DDR2: variants seen among roughly 807,000 people sequenced by gnomAD.
The protein encoded by DDR2 is discoidin domain receptor tyrosine kinase 2.
DDR2 carries 27 observed loss-of-function variants against 94.9 expected under a neutral mutation model. That is an observed-to-expected ratio of 0.28 (90% CI 0.21 to 0.39). The LOEUF (loss-of-function observed/expected upper bound fraction) is 0.39. Ranked by LOEUF, DDR2 falls within the 10% of genes least tolerant of loss-of-function variation. DDR2 has a pLI of 1.00. For missense variants in DDR2, 783 were observed against 1,076.0 expected (o/e 0.73, Z 3.81); for synonymous variants, 382 against 377.2 (o/e 1.01, Z -0.15).
At chr1:162,669,090 T>A (rs1658714186) in intron 2 of DDR2, among the ~76,000 whole-genome samples, 1 of 152,248 alleles carries the variant, frequency 6.6e-6, no homozygotes, top group African/African-American at 2.4e-5. Context: ...TGTCACATGG[T>A]GACAAATACA....
chr1:162,709,543 G>C (rs886978380), intron 2 of DDR2, among the ~76,000 whole-genome samples: 1 of 152,152 alleles, frequency 6.6e-6, no homozygotes, highest in Non-Finnish European at 1.5e-5. Flanking sequence ...GGTTTTTACC[G>C]TATGGTTCTA....
At chr1:162,771,236 T>A (rs1385890193) in intron 12 of DDR2, among the ~76,000 whole-genome samples, 1 of 152,162 alleles carries the variant, frequency 6.6e-6, no homozygotes, top group Non-Finnish European at 1.5e-5. Flanking sequence ...CAGAGCAACT[T>A]TTCTATAAGA....
At chr1:162,722,738 T>TA (rs1661477880) in intron 3 of DDR2, among the ~76,000 whole-genome samples, 1 of 152,350 alleles carries the variant, frequency 6.6e-6, no homozygotes, top group Admixed American at 6.5e-5. Context: ...AGGGAGTTGT[T>TA]ACGTGTCTCT....
intron 2 of DDR2, among the ~76,000 whole-genome samples, chr1:162,689,815 C>T (rs1245815031): frequency 3.5e-5 from 4 of 113,360 alleles, no homozygotes; most frequent in Non-Finnish European, 6.7e-5. Context: ...ACCAGCCTGG[C>T]CAACATGGTG....
intron 2 of DDR2, among the ~76,000 whole-genome samples, chr1:162,669,215 A>C (rs1475286549): frequency 7.9e-5 from 12 of 152,208 alleles, no homozygotes; most frequent in Admixed American, 3.9e-4. Context: ...CAATGTAAGC[A>C]ACTTATTAAA....
At chr1:162,644,016 G>C (rs1185328711) in intron 1 of DDR2, among the ~76,000 whole-genome samples, 1 of 152,172 alleles carries the variant, frequency 6.6e-6, no homozygotes, top group African/African-American at 2.4e-5. Flanking sequence ...TATGATGCCT[G>C]TGAAAACCCT....
At chr1:162,756,438 C>T (rs985183255) in intron 7 of DDR2, among the ~76,000 whole-genome samples, 2 of 152,192 alleles carry the variant, frequency 1.3e-5, no homozygotes, top group Admixed American at 1.3e-4. Flanking sequence ...ATAGTAGGAA[C>T]TTAGGGTTGG....
intron 14 of DDR2, among the ~76,000 whole-genome samples, chr1:162,775,257 T>A (rs144441040): frequency 2.4e-4 from 36 of 148,756 alleles, no homozygotes; most frequent in Middle Eastern, 3.5e-3. Flanking sequence ...TCCATGGCTT[T>A]AAAAAAAAAA....
At chr1:162,665,372 C>T (rs1353715214) in intron 2 of DDR2, among the ~76,000 whole-genome samples, 1 of 152,184 alleles carries the variant, frequency 6.6e-6, no homozygotes, top group Non-Finnish European at 1.5e-5. Context: ...AGTGCTACAG[C>T]TGAGTGAACC....
rs34722354 is a variant in DDR2 at position 162,770,331 on chromosome 1, G to A, written c.1323G>A (p.Met441Ile). Residue 441 changes from methionine to isoleucine, a missense_variant, in exon 12 of 18, where the codon ATG becomes ATA. By Grantham distance (10) the Met-to-Ile change is conservative (BLOSUM62 1). Transcript: ENST00000367921. Reference sequence around the variant, plus strand: ...CTCGGAGGATGCTGGATGATGAAATGACAGTCAGCCTTTCCCTGCCAAGTG... The same window carrying A: ...CTCGGAGGATGCTGGATGATGAAATAACAGTCAGCCTTTCCCTGCCAAGTG... Reference protein sequence around the residue: ...KASRRMLDDEMTVSLSLPSDS... With the variant: ...KASRRMLDDEITVSLSLPSDS... 0.018 allele frequency: 29,145 copies of A among 1,613,984 alleles called. 333 individuals carry two copies. The highest frequency in any genetic ancestry group is 0.021 in the Non-Finnish European group (25,048 of 1,179,976).
intron 2 of DDR2, among the ~76,000 whole-genome samples, chr1:162,679,585 C>T (rs751443888): frequency 2.0e-5 from 3 of 152,098 alleles, no homozygotes; most frequent in Non-Finnish European, 4.4e-5. Flanking sequence ...CATGTCTTTG[C>T]TATTGTGGAT....
intron 2 of DDR2, among the ~76,000 whole-genome samples, chr1:162,687,341 G>T (rs1303540539): frequency 6.6e-6 from 1 of 152,194 alleles, no homozygotes; most frequent in Non-Finnish European, 1.5e-5. Flanking sequence ...CCATAAAACG[G>T]CCCCACTGCT....
At chr1:162,641,376 C>G (rs888954646) in intron 1 of DDR2, among the ~76,000 whole-genome samples, 3 of 152,162 alleles carry the variant, frequency 2.0e-5, no homozygotes, top group African/African-American at 7.2e-5. Context: ...ATGCTCCTCT[C>G]TCCTCTCATT....
intron 1 of DDR2, among the ~76,000 whole-genome samples, chr1:162,635,809 G>A (rs1033428423): frequency 6.6e-6 from 1 of 152,176 alleles, no homozygotes; most frequent in African/African-American, 2.4e-5. Flanking sequence ...TCAGTACTTT[G>A]AACTGCTCCC....
chr1:162,719,166 C>T (rs1661298657), intron 3 of DDR2, 21 bp downstream of exon 3: 1 of 1,613,438 alleles, frequency 6.2e-7, no homozygotes. Flanking sequence ...TATTACTCAG[C>T]TATATGCTAG....
At chr1:162,641,745 A>G (rs906191740) in intron 1 of DDR2, among the ~76,000 whole-genome samples, 4 of 152,206 alleles carry the variant, frequency 2.6e-5, no homozygotes, top group African/African-American at 9.7e-5. Flanking sequence ...GCATCTAAAG[A>G]GAGCTAGGTC....
chr1:162,716,485 G>C (rs565639745), intron 2 of DDR2, among the ~76,000 whole-genome samples: 1 of 152,266 alleles, frequency 6.6e-6, no homozygotes, highest in Admixed American at 6.5e-5. Flanking sequence ...GTTTATTTAG[G>C]GACTTATTTA....
intron 2 of DDR2, among the ~76,000 whole-genome samples, chr1:162,658,290 G>A (rs1038120053): frequency 3.9e-5 from 6 of 152,176 alleles, no homozygotes; most frequent in African/African-American, 1.2e-4. Flanking sequence ...GAGGATGGCG[G>A]TCTGGCTGTG....
Position 162,731,896 on chromosome 1 carries a change from C to T in DDR2, c.82+12751C>T, listed in dbSNP as rs79393551. On this transcript the variant is annotated intron_variant, in intron 3 of 17. Transcript: ENST00000367921. ...ATATAAACTTTCCATGATTCCAAAC[C>T]GTGGCCTCAGTTTTCTTCTTCACTC... 3.4e-3 allele frequency among the ~76,000 whole-genome samples: 522 copies of T among 152,300 alleles called. 2 individuals carry two copies. The highest frequency in any genetic ancestry group is 5.9e-3 in the Non-Finnish European group (401 of 68,028).
Sources: gnomAD v4.1 joint callset for allele counts (sites outside exome capture counted in the v4.1 genomes callset) on GRCh38, gnomAD v4.1.1 for gene constraint, MANE v1.5 for transcripts, NCBI Gene and HGNC (gene_info 2026-07-23, HGNC 2026-07-21) for gene names.